The following DRC11L variants were observed in gnomAD, a reference collection of about 807,000 sequenced individuals.
DRC11L encodes dynein regulatory complex subunit like-11.
the DRC11L span, chr7:151,191,596 A>G: frequency 2.5e-6 from 1 of 399,014 alleles, no homozygotes; most frequent in Admixed American, 4.4e-5. Flanking sequence ...CTGACTCCCC[A>G]AGGGCGCTGC....
the DRC11L span, chr7:151,191,662 G>T: frequency 2.3e-5 from 9 of 399,208 alleles, no homozygotes; most frequent in Non-Finnish European, 4.0e-5. Context: ...CCTCCTCCCT[G>T]TACACTGGAT....
the DRC11L span, chr7:151,197,206 C>A: frequency 5.0e-6 from 2 of 399,606 alleles, no homozygotes. Context: ...GTATCTTACC[C>A]CCTTCTTGGC....
the DRC11L span, among the ~76,000 whole-genome samples, chr7:151,191,421 G>C: frequency 5.9e-5 from 9 of 152,188 alleles, no homozygotes; most frequent in Non-Finnish European, 1.0e-4. Context: ...GGTGGTTCTT[G>C]CAAGCTCCCA....
the DRC11L span, chr7:151,194,420 G>A: frequency 2.5e-6 from 1 of 398,952 alleles, no homozygotes; most frequent in Non-Finnish European, 4.4e-6. Context: ...GCAATCAGGT[G>A]ATCAGCCACA....
the DRC11L span, chr7:151,197,763 C>T: frequency 2.5e-6 from 1 of 396,832 alleles, no homozygotes. Flanking sequence ...TCGCTATTCT[C>T]TGTAGCCTCA....
chr7:151,192,768 T>C, the DRC11L span: 29 of 399,160 alleles, frequency 7.3e-5, no homozygotes, highest in East Asian at 1.0e-3. Flanking sequence ...GGGGGTCTTC[T>C]TATAGAAATT....
the DRC11L span, chr7:151,203,451 G>A: frequency 7.5e-6 from 3 of 399,048 alleles, no homozygotes; most frequent in African/African-American, 2.1e-5. Context: ...ATCAGCCCTC[G>A]CTCCCGCACA....
the DRC11L span, among the ~76,000 whole-genome samples, chr7:151,199,184 C>T: frequency 4.6e-5 from 7 of 152,288 alleles, no homozygotes; most frequent in East Asian, 1.9e-4. The surrounding 1 kb of genome is among the most constrained non-coding windows in gnomAD (Gnocchi z 5.2). Context: ...TCGGGAGAAA[C>T]TGTGTTTGGA....
chr7:151,196,520 G>T, the DRC11L span: 1 of 399,666 alleles, frequency 2.5e-6, no homozygotes, highest in Admixed American at 4.4e-5. Flanking sequence ...AATTCTGACT[G>T]GGGTGTATGC....
chr7:151,200,811 C>T, the DRC11L span, among the ~76,000 whole-genome samples: 1 of 152,216 alleles, frequency 6.6e-6, no homozygotes, highest in African/African-American at 2.4e-5. Context: ...TACTTGATTC[C>T]ACCCAGGCAC....
the DRC11L span, among the ~76,000 whole-genome samples, chr7:151,204,130 C>T: frequency 6.6e-6 from 1 of 152,166 alleles, no homozygotes; most frequent in African/African-American, 2.4e-5. Flanking sequence ...TGAGGAGGCT[C>T]TAAAGGACTC....
At chr7:151,198,947 C>T in the DRC11L span, 46 of 399,208 alleles carry the variant, frequency 1.2e-4, no homozygotes, top group Admixed American at 1.7e-3. Flanking sequence ...GGACATCCTC[C>T]ACGAGGCATG....
the DRC11L span, chr7:151,200,592 C>A: frequency 2.5e-6 from 1 of 397,376 alleles, no homozygotes; most frequent in Non-Finnish European, 4.4e-6. Context: ...CTGGGCAAGC[C>A]TGCTCAGGTG....
chr7:151,192,885 G>A, the DRC11L span: 1 of 398,870 alleles, frequency 2.5e-6, no homozygotes, highest in Non-Finnish European at 4.4e-6. Flanking sequence ...GAAGGGTCAT[G>A]TCCCTGCTGG....
At chr7:151,195,871 C>T in the DRC11L span, 6 of 369,692 alleles carry the variant, frequency 1.6e-5, no homozygotes, top group Middle Eastern at 6.8e-4. Context: ...CAGGCCTAAT[C>T]CTCTTCCTGC....
At chr7:151,194,693 C>A in the DRC11L span, 1 of 397,436 alleles carries the variant, frequency 2.5e-6, no homozygotes, top group South Asian at 1.3e-4. Context: ...GGGCTGTTGT[C>A]ATGAAGACAG....
At chr7:151,201,124 G>A in the DRC11L span, among the ~76,000 whole-genome samples, 7 of 152,234 alleles carry the variant, frequency 4.6e-5, no homozygotes, top group Admixed American at 6.5e-5. The surrounding 1 kb of genome is among the most constrained non-coding windows in gnomAD (Gnocchi z 4.1). Context: ...GGGTGGGGAC[G>A]CTGGGCAGAG....
the DRC11L span, chr7:151,194,575 T>G: frequency 2.5e-6 from 1 of 399,466 alleles, no homozygotes; most frequent in Non-Finnish European, 4.4e-6. Flanking sequence ...AATAACAAGC[T>G]CTTCGTACAG....
chr7:151,193,022 G>A, the DRC11L span, among the ~76,000 whole-genome samples: 1 of 152,170 alleles, frequency 6.6e-6, no homozygotes, highest in Admixed American at 6.5e-5. Flanking sequence ...AGGGTAAACT[G>A]AGTCACTGCC....
Sources: gnomAD v4.1 joint callset for allele counts (sites outside exome capture counted in the v4.1 genomes callset) on GRCh38, gnomAD v4.1.1 for gene constraint, Gnocchi (gnomAD v3.1) non-coding constraint, MANE v1.5 for transcripts, NCBI Gene and HGNC (gene_info 2026-07-23, HGNC 2026-07-21) for gene names.